The following ZMAT4 variants were observed in gnomAD, a reference collection of about 807,000 sequenced individuals.
ZMAT4 encodes the protein zinc finger matrin-type protein 4.
In ZMAT4, 17 loss-of-function variants were observed where a neutral mutation model predicts 28.7. That is an observed-to-expected ratio of 0.59 (90% CI 0.41 to 0.89). The LOEUF (loss-of-function observed/expected upper bound fraction) is 0.89, where lower values mean the gene tolerates loss of function less well. Among genes scored for constraint, ZMAT4 ranks in the 40% least tolerant of loss-of-function variants. The probability of loss-of-function intolerance (pLI) is 0.00; values close to 1 mark genes in which losing one functional copy is unlikely to be tolerated. For missense variants in ZMAT4, 240 were observed against 283.8 expected, an observed-to-expected ratio of 0.85 and a Z score of 1.11; for synonymous variants, 117 against 109.2, an observed-to-expected ratio of 1.07 and a Z score of -0.44.
At chr8:40,621,288 T>A (rs187104556) in intron 5 of ZMAT4, among the ~76,000 whole-genome samples, 19 of 152,244 alleles carry the variant, frequency 1.2e-4, no homozygotes, top group Admixed American at 2.6e-4. Context: ...TGGGAAGATG[T>A]TGAAATACTT....
chr8:40,783,785 C>T lies in ZMAT4; in HGVS notation c.103-16055G>A, dbSNP rs111829259. Among the ~76,000 whole-genome samples the T allele has an allele frequency of 9.0e-3, 1,373 of 152,072 alleles. 22 individuals carry two copies. The highest frequency in any genetic ancestry group is 0.031 in the African/African-American group (1,271 of 41,486). ...CAGCACTTTGGAAGGCCGAGGTGGGCGGATCACCTGAGGTCAGGAGTTTGA... is the reference window on the plus strand; with the variant it reads ...CAGCACTTTGGAAGGCCGAGGTGGGTGGATCACCTGAGGTCAGGAGTTTGA... On this transcript the variant is annotated intron_variant, in intron 2 of 6. Transcript: ENST00000297737.
intron 2 of ZMAT4, among the ~76,000 whole-genome samples, chr8:40,819,669 C>T (rs1328429440): frequency 1.3e-5 from 2 of 152,000 alleles, no homozygotes; most frequent in East Asian, 3.9e-4. Flanking sequence ...AGACATGTGG[C>T]ACAGCAACAC....
chr8:40,673,372 TC>T (rs772876700), intron 5 of ZMAT4, among the ~76,000 whole-genome samples: 8 of 152,160 alleles, frequency 5.3e-5, no homozygotes, highest in Non-Finnish European at 1.2e-4. Flanking sequence ...GTTATAATTA[TC>T]CCCCTTACAG....
At position 40,809,323 on chromosome 8, in the gene ZMAT4, G is replaced by A. The variant is rs563536530; in HGVS notation, c.102+16252C>T. Among the ~76,000 whole-genome samples the A allele has an allele frequency of 1.5e-4, 23 of 152,254 alleles. No homozygotes were observed. In the South Asian group the frequency reaches 1.7e-3, roughly 11 times the overall value. The stretch of plus-strand genomic sequence containing the variant: ...GATCAACAGACACTGCTGACTACTG[G>A]AGAAGGAGGGAGAGGGTCATGGGTT... On this transcript the variant is annotated intron_variant, in intron 2 of 6. Coordinates refer to ENST00000297737, the MANE Select transcript of ZMAT4 (RefSeq NM_024645.3).
chr8:40,758,734 G>T lies in ZMAT4; in HGVS notation c.192+8907C>A, dbSNP rs939610634. On this transcript the variant is annotated intron_variant, in intron 3 of 6. Transcript: ENST00000297737. ...GGATCTTGGGAATAAATAGGATTTTGACCCTTCAGAGTTGGATGGTGACAG... is the reference window on the plus strand; with the variant it reads ...GGATCTTGGGAATAAATAGGATTTTTACCCTTCAGAGTTGGATGGTGACAG... Among the ~76,000 whole-genome samples the T allele has an allele frequency of 6.2e-4, 95 of 152,264 alleles. No individual in the cohort carries two copies. The South Asian group carries it at 0.018, about 30-fold the overall frequency.
intron 2 of ZMAT4, among the ~76,000 whole-genome samples, chr8:40,791,717 A>G (rs1472896637): frequency 6.6e-6 from 1 of 152,078 alleles, no homozygotes; most frequent in Non-Finnish European, 1.5e-5. Context: ...CCAACTACGG[A>G]CTCTAAGACC....
intron 6 of ZMAT4, among the ~76,000 whole-genome samples, chr8:40,532,886 C>T (rs1368667506): frequency 6.6e-6 from 1 of 151,624 alleles, no homozygotes; most frequent in African/African-American, 2.4e-5. Context: ...CCCAGCTACT[C>T]AGGAGGCTGA....
intron 5 of ZMAT4, among the ~76,000 whole-genome samples, chr8:40,624,468 C>G (rs1290913224): frequency 6.6e-6 from 1 of 152,186 alleles, no homozygotes; most frequent in Non-Finnish European, 1.5e-5. Flanking sequence ...TACAGCAGCC[C>G]AAACTAAGAT....
At chr8:40,603,600 C>A (rs1291719439) in intron 5 of ZMAT4, among the ~76,000 whole-genome samples, 2 of 152,046 alleles carry the variant, frequency 1.3e-5, no homozygotes, top group African/African-American at 2.4e-5. Context: ...TCTATAATTT[C>A]TTTCAGCAGT....
At chr8:40,728,487 G>T (rs1469227973) in intron 3 of ZMAT4, among the ~76,000 whole-genome samples, 1 of 152,174 alleles carries the variant, frequency 6.6e-6, no homozygotes, top group Non-Finnish European at 1.5e-5. Context: ...GTGATGCTTT[G>T]TTGTGGAGGG....
intron 6 of ZMAT4, among the ~76,000 whole-genome samples, chr8:40,563,371 T>C (rs1803810502): frequency 6.6e-6 from 1 of 152,210 alleles, no homozygotes; most frequent in South Asian, 2.1e-4. Flanking sequence ...AATAGGTTTA[T>C]TGCAGGCAGG....
chr8:40,854,388 A>G (rs2150638202), intron 1 of ZMAT4, among the ~76,000 whole-genome samples: 1 of 152,320 alleles, frequency 6.6e-6, no homozygotes, highest in Middle Eastern at 3.4e-3. Context: ...GGAAATGAAG[A>G]CCAAAATACT....
chr8:40,895,209 T>C (rs1343045786), intron 1 of ZMAT4, among the ~76,000 whole-genome samples: 1 of 152,234 alleles, frequency 6.6e-6, no homozygotes, highest in Non-Finnish European at 1.5e-5. Flanking sequence ...GCTGGGTCTG[T>C]GGATAGTGCT....
intron 2 of ZMAT4, chr8:40,786,778 G>A: frequency 7.8e-7 from 1 of 1,278,338 alleles, no homozygotes; most frequent in South Asian, 1.2e-5. Flanking sequence ...CAAGAATTCT[G>A]GACCCTAGGA....
intron 5 of ZMAT4, among the ~76,000 whole-genome samples, chr8:40,670,376 C>A (rs886848809): frequency 4.6e-5 from 7 of 152,086 alleles, no homozygotes; most frequent in African/African-American, 1.7e-4. Context: ...ATACTGTACA[C>A]AAAAATTAAT....
chr8:40,704,984 G>A (rs1810293110), intron 3 of ZMAT4, among the ~76,000 whole-genome samples: 1 of 152,158 alleles, frequency 6.6e-6, no homozygotes, highest in African/African-American at 2.4e-5. Flanking sequence ...CAGGAAGGAT[G>A]GCATGAACTA....
At chr8:40,751,248 A>G (rs907841993) in intron 3 of ZMAT4, among the ~76,000 whole-genome samples, 1 of 152,132 alleles carries the variant, frequency 6.6e-6, no homozygotes, top group Admixed American at 6.5e-5. Context: ...TTTATAAGAA[A>G]ACAGATTTAA....
intron 3 of ZMAT4, among the ~76,000 whole-genome samples, chr8:40,764,223 A>C (rs548847165): frequency 6.6e-6 from 1 of 152,128 alleles, no homozygotes; most frequent in East Asian, 1.9e-4. Flanking sequence ...TTCTCACTTA[A>C]TTTTACTCTG....
chr8:40,569,313 G>A (rs745371336), intron 6 of ZMAT4, among the ~76,000 whole-genome samples: 4 of 152,256 alleles, frequency 2.6e-5, no homozygotes, highest in African/African-American at 7.2e-5. Flanking sequence ...TTCAATTGCC[G>A]GGTATTCCAC....
Sources: allele counts gnomAD v4.1 joint callset (sites outside exome capture counted in the v4.1 genomes callset), GRCh38; gene constraint gnomAD v4.1.1; transcripts MANE v1.5; gene names NCBI Gene and HGNC (gene_info 2026-07-23, HGNC 2026-07-21).